Variants in HDAC9 observed in about 807,000 individuals in gnomAD.
HDAC9 encodes MEF-2 interacting transcription repressor (MITR) protein.
Under a neutral mutation model 139.4 loss-of-function variants are expected in HDAC9, and 41 were observed. The observed-to-expected ratio is 0.29, with a 90% confidence interval of 0.23 to 0.38. The LOEUF (loss-of-function observed/expected upper bound fraction) is 0.38. HDAC9 is among the 10% of genes least tolerant of loss of function. The probability of loss-of-function intolerance (pLI) is 1.00; values close to 1 mark genes in which losing one functional copy is unlikely to be tolerated. For missense variants in HDAC9, 1,147 were observed against 1,297.0 expected, an observed-to-expected ratio of 0.88 and a Z score of 1.78; for synonymous variants, 517 against 476.2, an observed-to-expected ratio of 1.09 and a Z score of -1.12.
chr7:18,103,358 G>C (rs988575955), intron 1 of HDAC9, among the ~76,000 whole-genome samples: 1 of 152,046 alleles, frequency 6.6e-6, no homozygotes, highest in East Asian at 1.9e-4. Flanking sequence ...TTTTATATTC[G>C]GGGGATACAT....
intron 1 of HDAC9, among the ~76,000 whole-genome samples, chr7:18,133,543 C>G (rs1785163644): frequency 6.6e-6 from 1 of 152,010 alleles, no homozygotes; most frequent in South Asian, 2.1e-4. Flanking sequence ...GGTTATTATC[C>G]CTGGGCTCAA....
intron 14 of HDAC9, among the ~76,000 whole-genome samples, chr7:18,752,081 A>G (rs1788497873): frequency 6.6e-6 from 1 of 152,176 alleles, no homozygotes; most frequent in Non-Finnish European, 1.5e-5. Flanking sequence ...TCTTACAAAG[A>G]TGCTAAACTT....
In HDAC9 at chr7:18,835,907, C is replaced by G. The variant is rs1368690668; in HGVS notation, c.2594C>G (p.Thr865Arg). Residue 865 changes from threonine (T) to arginine (R), a missense_variant, in exon 21 of 26, where the codon ACA becomes AGA. Transcript: ENST00000686413. ...PGSGAPNEVG[T>R]GLGEGYNINI... is the part of the protein sequence containing the mutation. ...GTGTCTTTCTCTTCCCAGGTTGGAA[C>G]AGGCCTTGGAGAAGGGTACAATATA... is the stretch of plus-strand genomic sequence containing the variant. 4.5e-6 allele frequency: 7 copies of G among 1,554,692 alleles called. No homozygotes were observed. Among genetic ancestry groups the G allele is most frequent in the Admixed American group, 1.9e-5 (1 of 51,704 alleles).
chr7:18,626,073 G>A (rs1182283136), intron 6 of HDAC9, among the ~76,000 whole-genome samples: 1 of 151,528 alleles, frequency 6.6e-6, no homozygotes, highest in Non-Finnish European at 1.5e-5. Flanking sequence ...AAGGAAGTTA[G>A]TAAGGTTAAA....
intron 2 of HDAC9, among the ~76,000 whole-genome samples, chr7:18,220,226 G>A (rs1206818010): frequency 6.6e-6 from 1 of 152,156 alleles, no homozygotes; most frequent in Non-Finnish European, 1.5e-5. Flanking sequence ...TGTATGTGAT[G>A]GGAGGGAGGG....
intron 17 of HDAC9, among the ~76,000 whole-genome samples, chr7:18,799,403 A>G (rs941777317): frequency 1.3e-5 from 2 of 152,226 alleles, no homozygotes; most frequent in Non-Finnish European, 2.9e-5. Context: ...AGAATGCCCC[A>G]CACAGAGGAA....
chr7:18,138,905 A>G (rs1433323634), intron 1 of HDAC9, among the ~76,000 whole-genome samples: 1 of 152,124 alleles, frequency 6.6e-6, no homozygotes, highest in Non-Finnish European at 1.5e-5. Flanking sequence ...TAATGATTCT[A>G]GCATGAGACA....
At chr7:18,534,332 G>A (rs1810125274) in intron 2 of HDAC9, among the ~76,000 whole-genome samples, 2 of 152,012 alleles carry the variant, frequency 1.3e-5, no homozygotes, top group African/African-American at 4.8e-5. Flanking sequence ...AGGCAGGAGG[G>A]CTGTTTGAGA....
At chr7:18,848,357 T>C (rs540088434) in intron 21 of HDAC9, among the ~76,000 whole-genome samples, 1 of 152,226 alleles carries the variant, frequency 6.6e-6, no homozygotes, top group South Asian at 2.1e-4. Context: ...AAAACATGTA[T>C]GTTGAACCCC....
At chr7:18,976,676 C>G (rs552241639) in intron 25 of HDAC9, among the ~76,000 whole-genome samples, 1 of 152,300 alleles carries the variant, frequency 6.6e-6, no homozygotes, top group South Asian at 2.1e-4. Context: ...GTTCATCATT[C>G]AGTTCTACAG....
intron 17 of HDAC9, among the ~76,000 whole-genome samples, chr7:18,821,515 T>G (rs28401174): frequency 6.6e-6 from 1 of 152,098 alleles, no homozygotes; most frequent in African/African-American, 2.4e-5. Flanking sequence ...GAAAGCAAGA[T>G]GAATGGTGAT....
chr7:18,547,427 G>A (rs965680724), intron 2 of HDAC9, among the ~76,000 whole-genome samples: 1 of 152,124 alleles, frequency 6.6e-6, no homozygotes, highest in Non-Finnish European at 1.5e-5. Flanking sequence ...AGTGGAGACG[G>A]GGTTTCACCA....
intron 1 of HDAC9, among the ~76,000 whole-genome samples, chr7:18,139,640 A>T (rs1003384885): frequency 6.6e-6 from 1 of 152,182 alleles, no homozygotes; most frequent in Non-Finnish European, 1.5e-5. Flanking sequence ...CCACCTTCTA[A>T]TCCTTGGCAT....
intron 2 of HDAC9, among the ~76,000 whole-genome samples, chr7:18,269,889 T>C (rs1161387557): frequency 1.3e-5 from 2 of 152,114 alleles, no homozygotes; most frequent in African/African-American, 2.4e-5. Flanking sequence ...TTAAGTGTTA[T>C]CATTGAGGTG....
intron 2 of HDAC9, among the ~76,000 whole-genome samples, chr7:18,562,776 A>G (rs1427908767): frequency 7.2e-5 from 11 of 152,102 alleles, no homozygotes; most frequent in Middle Eastern, 3.2e-3. Context: ...TAGTATGTCA[A>G]TTGCCAGGAA....
intron 7 of HDAC9, among the ~76,000 whole-genome samples, chr7:18,633,926 CTTG>C (rs1357712547): frequency 2.0e-5 from 3 of 152,038 alleles, no homozygotes; most frequent in African/African-American, 4.8e-5. Context: ...AAGAATCTGT[CTTG>C]TTGTTGCCTG....
intron 1 of HDAC9, among the ~76,000 whole-genome samples, chr7:18,306,512 A>G (rs1047222136): frequency 6.6e-6 from 1 of 152,178 alleles, no homozygotes; most frequent in East Asian, 1.9e-4. Flanking sequence ...GATGATAGTA[A>G]TCTAAGTTTA....
intron 2 of HDAC9, among the ~76,000 whole-genome samples, chr7:18,264,235 C>T (rs1214997128): frequency 6.6e-6 from 1 of 152,074 alleles, no homozygotes; most frequent in Non-Finnish European, 1.5e-5. Context: ...TCTCAGTGCT[C>T]AAGGACTATT....
intron 1 of HDAC9, among the ~76,000 whole-genome samples, chr7:18,424,621 A>G (rs1789941484): frequency 6.6e-6 from 1 of 152,230 alleles, no homozygotes. Flanking sequence ...TTTAATAATT[A>G]AAATAGGCTG....
Sources: allele counts gnomAD v4.1 joint callset (sites outside exome capture counted in the v4.1 genomes callset), GRCh38; gene constraint gnomAD v4.1.1; transcripts MANE v1.5; gene names NCBI Gene and HGNC (gene_info 2026-07-23, HGNC 2026-07-21).